The following RPS6KA2 variants were observed in gnomAD, a reference collection of about 807,000 sequenced individuals.
The protein encoded by RPS6KA2 is ribosomal protein S6 kinase A2, also known as ribosomal protein S6 kinase alpha-2.
A neutral mutation model predicts 91.8 loss-of-function variants in RPS6KA2; 42 were observed. That is an observed-to-expected ratio of 0.46 (90% confidence interval 0.36 to 0.59). RPS6KA2 has a LOEUF of 0.59. Among genes scored for constraint, RPS6KA2 ranks in the 20% least tolerant of loss-of-function variants. The probability of loss-of-function intolerance (pLI) is 0.00; values close to 1 mark genes in which losing one functional copy is unlikely to be tolerated. For synonymous variants in RPS6KA2, 414 were observed against 393.6 expected (o/e 1.05, Z -0.61); for missense variants, 798 against 978.5 (o/e 0.82, Z 2.46).
Position 166,504,617 on chromosome 6 carries a change from T to G in RPS6KA2, c.460-5A>C, listed in dbSNP as rs1052408330. ...ATCCTCCTCCGTGAACATGACCTAG[T>G]AAGAAAAAAACAAAAACAAAAACAA... On this transcript the variant is annotated splice_region_variant and splice_polypyrimidine_tract_variant and intron_variant, in intron 5 of 20. Coordinates refer to ENST00000265678, the MANE Select transcript of RPS6KA2 (RefSeq NM_021135.6). The G allele has an allele frequency of 1.3e-6, 2 of 1,594,980 alleles. No individual in the cohort carries two copies. The highest frequency in any genetic ancestry group is 1.7e-6 in the Non-Finnish European group (2 of 1,171,488).
chr6:166,814,048 T>A (rs1400882323), intron 2 of RPS6KA2, among the ~76,000 whole-genome samples: 1 of 152,238 alleles, frequency 6.6e-6, no homozygotes, highest in East Asian at 1.9e-4. Flanking sequence ...ATATTGTTGG[T>A]ACGCATACAT....
intron 8 of RPS6KA2, among the ~76,000 whole-genome samples, chr6:166,496,877 C>A (rs2128476316): frequency 6.6e-6 from 1 of 152,326 alleles, no homozygotes; most frequent in Non-Finnish European, 1.5e-5. Context: ...GGACCCATAG[C>A]CCAGCGTCAG....
intron 1 of RPS6KA2, among the ~76,000 whole-genome samples, chr6:166,549,584 A>AT (rs1783932928): frequency 6.6e-6 from 1 of 152,176 alleles, no homozygotes; most frequent in African/African-American, 2.4e-5. Context: ...CCATTTACAT[A>AT]TTTTTTGAAA....
intron 1 of RPS6KA2, among the ~76,000 whole-genome samples, chr6:166,587,671 T>C (rs962736304): frequency 4.6e-5 from 7 of 151,164 alleles, no homozygotes; most frequent in African/African-American, 7.3e-5. Flanking sequence ...AAATATTATA[T>C]ATATATATAC....
chr6:166,839,124 CACA>C (rs900842686), intron 2 of RPS6KA2, among the ~76,000 whole-genome samples: 5 of 152,188 alleles, frequency 3.3e-5, no homozygotes, highest in African/African-American at 1.2e-4. Flanking sequence ...TGTTTTACAC[CACA>C]ACGTTTGTGG....
intron 1 of RPS6KA2, among the ~76,000 whole-genome samples, chr6:166,620,202 A>C (rs894145297): frequency 6.6e-6 from 1 of 152,200 alleles, no homozygotes; most frequent in African/African-American, 2.4e-5. Context: ...CTTATTTGTC[A>C]ATCTCATTCA....
rs151151461 is a variant in RPS6KA2, at chr6:166,762,363, CGT to C, written c.123+95835_123+95836del. On this transcript the variant is annotated intron_variant, in intron 2 of 21. Coordinates refer to the RPS6KA2 transcript ENST00000503859. ...TGCATGTGTGTGTTCATGCAGTGTG[CGT>C]GTGTGTGTTTGTATGTCTATGCGCA... is the stretch of plus-strand genomic sequence containing the variant. Among the ~76,000 whole-genome samples the C allele has an allele frequency of 3.3e-4, 50 of 152,116 alleles. No individual in the cohort carries two copies. In the East Asian group the frequency reaches 3.5e-3, roughly 11 times the overall value.
chr6:166,824,815 CTGTGTGTGTCTGTG>C, intron 2 of RPS6KA2, among the ~76,000 whole-genome samples: 1 of 11,418 alleles, frequency 8.8e-5, no homozygotes, highest in African/African-American at 1.7e-4. Flanking sequence ...CTATGTGTGT[CTGTGTGTGTCTGTG>C]TGTGTGTGTA....
rs1199618102 is a variant in RPS6KA2, at chr6:166,640,254, GAT to G, written c.124-101472_124-101471del. On this transcript the variant is annotated intron_variant, in intron 2 of 21. Transcript: ENST00000503859. ...AACCCATCATAGAAAAATTTCTCAA[GAT>G]CTGGCATGGGTACAAAAGAGAACAT... Among the ~76,000 whole-genome samples, 6 of 151,862 alleles carry G rather than the reference GAT, an allele frequency of 4.0e-5. No homozygotes were observed. The East Asian group carries it at 1.2e-3, about 29-fold the overall frequency.
At chr6:166,503,658 A>G (rs942753279) in intron 6 of RPS6KA2, among the ~76,000 whole-genome samples, 2 of 152,212 alleles carry the variant, frequency 1.3e-5, no homozygotes, top group African/African-American at 4.8e-5. Flanking sequence ...TGATCACCTC[A>G]GGGATACTGC....
chr6:166,486,053 C>A (rs1199176583), intron 10 of RPS6KA2, among the ~76,000 whole-genome samples: 1 of 152,204 alleles, frequency 6.6e-6, no homozygotes, highest in Non-Finnish European at 1.5e-5. Context: ...GCTTTAGGAG[C>A]TGCACATCTC....
chr6:166,554,981 C>A lies in RPS6KA2; in HGVS notation c.100-16197G>T, dbSNP rs751477511. On this transcript the variant is annotated intron_variant, in intron 1 of 20. Transcript: ENST00000265678. This position sits in a 1 kb window ranked among gnomAD's most constrained non-coding sequence, Gnocchi z 4.3. The stretch of plus-strand genomic sequence containing the variant: ...CTACAGAGCTAGAATACTGTTCAAG[C>A]GACAGCAGAAAACATCAGTTCCCTA... Among the ~76,000 whole-genome samples, 1 of 152,174 alleles carries A rather than the reference C, an allele frequency of 6.6e-6. No homozygotes were observed. Among genetic ancestry groups the A allele is most frequent in the Non-Finnish European group, 1.5e-5 (1 of 68,026 alleles).
intron 2 of RPS6KA2, among the ~76,000 whole-genome samples, chr6:166,837,816 G>A (rs901685997): frequency 1.4e-4 from 22 of 152,362 alleles, no homozygotes; most frequent in South Asian, 4.1e-4. Flanking sequence ...TTGTCACTGC[G>A]TTCTAAGTCC....
chr6:166,656,164 G>A (rs1787996268), intron 2 of RPS6KA2, among the ~76,000 whole-genome samples: 1 of 152,072 alleles, frequency 6.6e-6, no homozygotes, highest in South Asian at 2.1e-4. Context: ...CTCAAAAACA[G>A]GTAAAACACA....
intron 2 of RPS6KA2, among the ~76,000 whole-genome samples, chr6:166,805,677 C>T (rs1231808289): frequency 1.3e-5 from 2 of 152,112 alleles, no homozygotes; most frequent in Non-Finnish European, 2.9e-5. Flanking sequence ...ACCTTCAGAG[C>T]TACCACATTA....
At chr6:166,466,117 C>G (rs1034648696) in intron 11 of RPS6KA2, among the ~76,000 whole-genome samples, 10 of 152,214 alleles carry the variant, frequency 6.6e-5, no homozygotes, top group African/African-American at 2.2e-4. Flanking sequence ...CTAAGAGCAA[C>G]AAAAGGAACT....
intron 2 of RPS6KA2, among the ~76,000 whole-genome samples, chr6:166,685,588 G>A (rs1161326211): frequency 6.6e-6 from 1 of 152,136 alleles, no homozygotes; most frequent in Non-Finnish European, 1.5e-5. Flanking sequence ...CCTAGGATTA[G>A]GGAAGATCTT....
chr6:166,496,835 G>C (rs1562534195), intron 8 of RPS6KA2, among the ~76,000 whole-genome samples: 1 of 152,180 alleles, frequency 6.6e-6, no homozygotes, highest in Non-Finnish European at 1.5e-5. Flanking sequence ...TTAAGAACTG[G>C]AATCTCTCCT....
intron 1 of RPS6KA2, among the ~76,000 whole-genome samples, chr6:166,575,295 G>A (rs546067241): frequency 4.6e-4 from 70 of 152,274 alleles, no homozygotes; most frequent in African/African-American, 1.5e-3. Context: ...TGTGTGATCC[G>A]GGCTCAGGGA....
Sources: allele counts gnomAD v4.1 joint callset (sites outside exome capture counted in the v4.1 genomes callset), GRCh38; gene constraint gnomAD v4.1.1; non-coding constraint Gnocchi (gnomAD v3.1); transcripts MANE v1.5; gene names NCBI Gene and HGNC (gene_info 2026-07-23, HGNC 2026-07-21).